RAB12: variants seen among roughly 807,000 people sequenced by gnomAD.
The protein encoded by RAB12 is RAB12, member RAS oncogene family, also known as ras-related protein Rab-12.
RAB12 carries 11 observed loss-of-function variants against 28.4 expected under a neutral mutation model. The ratio of observed to expected loss-of-function variants is 0.39; its 90% CI spans 0.24 to 0.64. The LOEUF is 0.64. RAB12 is among the 30% of genes least tolerant of loss of function. The pLI is 0.50. For missense variants in RAB12, 276 were observed against 351.1 expected, an observed-to-expected ratio of 0.79 and a Z score of 1.71; for synonymous variants, 138 against 145.3, an observed-to-expected ratio of 0.95 and a Z score of 0.36.
Position 8,633,253 on chromosome 18 carries a change from A to G in RAB12, c.640A>G (p.Ile214Val), listed in dbSNP as rs1324162753. The change falls in exon 3 of 6, where the codon ATC (isoleucine) becomes GTC (valine). Residue 214 changes from isoleucine (I) to valine (V), a missense_variant. Around this residue, in one of 4 missense-constraint regions of RAB12, gnomAD observed 127 missense variants for 161.4 expected, o/e 0.79. Transcript: ENST00000649141. ...AGCTTATTACAGAAGTGCCAAGGGGATCATATTAGTATATGATATCACTAA... is the reference window on the plus strand; with the variant it reads ...AGCTTATTACAGAAGTGCCAAGGGGGTCATATTAGTATATGATATCACTAA... ...TSAYYRSAKG[I>V]ILVYDITKKE... is the part of the protein sequence containing the mutation. The G allele has an allele frequency of 6.2e-7, 1 of 1,613,948 alleles. No individual in the cohort carries two copies. Among genetic ancestry groups the G allele is most frequent in the Non-Finnish European group, 8.5e-7 (1 of 1,179,964 alleles).
chr18:8,633,064 A>G (rs1598313749), intron 2 of RAB12, 125 bp from the exon 3 acceptor site: 1 of 1,180,214 alleles, frequency 8.5e-7, no homozygotes, highest in East Asian at 2.3e-5. Context: ...GTCAAAGGGA[A>G]ATAGGGGTTA....
intron 1 of RAB12, among the ~76,000 whole-genome samples, chr18:8,617,446 A>G (rs2096007311): frequency 6.6e-6 from 1 of 150,420 alleles, no homozygotes; most frequent in Non-Finnish European, 1.5e-5. Context: ...CCACTGTTTG[A>G]TCATGGTTTT....
At chr18:8,621,888 A>G (rs545123051) in intron 1 of RAB12, among the ~76,000 whole-genome samples, 6 of 152,160 alleles carry the variant, frequency 3.9e-5, no homozygotes, top group Admixed American at 1.3e-4. Context: ...TTGTTTTCCT[A>G]TTAGAACTAA....
Position 8,638,238 on chromosome 18 carries a change from A to G in RAB12, c.999A>G (p.Pro333=). The part of the protein sequence containing the change: ...EPEIPPELPP[P]RPHVRCC ...AGATACCGCCAGAACTGCCTCCACC[A>G]AGACCACATGTCCGATGCTGTTGAT... The change falls in exon 6 of 6, where the codon CCA becomes CCG. Residue 333 remains proline, a synonymous_variant. Coordinates refer to ENST00000649141, the MANE Select transcript of RAB12 (RefSeq NM_001025300.3). 2.5e-6 allele frequency: 4 copies of G among 1,613,424 alleles called. No individual in the cohort carries two copies. The highest frequency in any genetic ancestry group is 3.4e-6 in the Non-Finnish European group (4 of 1,179,376).
intron 2 of RAB12, 47 bp downstream of exon 2, chr18:8,625,045 A>G (rs1183045401): frequency 2.5e-6 from 3 of 1,220,702 alleles, no homozygotes; most frequent in Admixed American, 1.8e-5. Context: ...TGTGTTTAAC[A>G]GTCCATGTAC....
At chr18:8,620,792 G>A (rs952453577) in intron 1 of RAB12, among the ~76,000 whole-genome samples, 5 of 152,084 alleles carry the variant, frequency 3.3e-5, no homozygotes, top group Admixed American at 6.5e-5. Flanking sequence ...AAGAAGGAAC[G>A]ATGTGATATG....
chr18:8,620,745 C>T lies in RAB12; in HGVS notation c.515-4193C>T, dbSNP rs76677622. On this transcript the variant is annotated intron_variant, in intron 1 of 5. Transcript: ENST00000649141. ...AGGGGGCTGAAGATGACTACATCCTCGGAGGGCAGGCACGTAGCCTGTCGG... is the reference window on the plus strand; with the variant it reads ...AGGGGGCTGAAGATGACTACATCCTTGGAGGGCAGGCACGTAGCCTGTCGG... Among the ~76,000 whole-genome samples the T allele has an allele frequency of 3.8e-3, 578 of 152,134 alleles. 1 individual carries two copies. The highest frequency in any genetic ancestry group is 0.013 in the African/African-American group (556 of 41,502).
intron 1 of RAB12, among the ~76,000 whole-genome samples, chr18:8,613,965 C>T (rs576050645): frequency 6.6e-6 from 1 of 152,164 alleles, no homozygotes; most frequent in Admixed American, 6.5e-5. Flanking sequence ...CGAGAAGTCT[C>T]AGAGAGGTAG....
At chr18:8,632,004 TG>T (rs2096016240) in intron 2 of RAB12, among the ~76,000 whole-genome samples, 2 of 152,196 alleles carry the variant, frequency 1.3e-5, no homozygotes, top group Admixed American at 1.3e-4. Context: ...AATTGGAGGC[TG>T]GGCTGGTAGC....
rs186194354 is a variant in RAB12, at chr18:8,622,555, A to C, written c.515-2383A>C. Among the ~76,000 whole-genome samples, 457 of 152,326 alleles carry C rather than the reference A, an allele frequency of 3.0e-3. 9 individuals are homozygous for C. The highest frequency in any genetic ancestry group is 0.01 in the African/African-American group (420 of 41,570). On this transcript the variant is annotated intron_variant, in intron 1 of 5. Coordinates refer to ENST00000649141, the MANE Select transcript of RAB12 (RefSeq NM_001025300.3). ...GTGGGTCACAGACATCAAATACTTC[A>C]CAAGGTAATAGACTATCACAAGGCA...
Position 8,622,118 on chromosome 18 carries a change from GATT to G in RAB12, c.515-2817_515-2815del, listed in dbSNP as rs377539924. Among the ~76,000 whole-genome samples, 503 of 152,294 alleles carry G rather than the reference GATT, an allele frequency of 3.3e-3. 6 individuals carry two copies. Among genetic ancestry groups the G allele is most frequent in the African/African-American group, 0.012 (488 of 41,556 alleles). ...CAGAGAAAACTGTAGTCAAAACAAA[GATT>G]ATCTGCTCTAGCTGTTTCAGGGACT... On this transcript the variant is annotated intron_variant, in intron 1 of 5. Transcript: ENST00000649141.
At chr18:8,635,479 T>C (rs1447118829) in intron 3 of RAB12, 54 bp from the exon 4 acceptor site, 6 of 1,236,590 alleles carry the variant, frequency 4.9e-6, no homozygotes, top group Non-Finnish European at 7.0e-6. Context: ...ATTTCTGCTG[T>C]CAGTATATGG....
intron 1 of RAB12, among the ~76,000 whole-genome samples, chr18:8,611,535 C>T (rs924968223): frequency 6.6e-6 from 1 of 152,076 alleles, no homozygotes; most frequent in Non-Finnish European, 1.5e-5. Context: ...AGCAGCCCCC[C>T]ACCTCTGGGG....
intron 2 of RAB12, among the ~76,000 whole-genome samples, chr18:8,626,412 C>G (rs1003421205): frequency 6.6e-6 from 1 of 152,250 alleles, no homozygotes; most frequent in Non-Finnish European, 1.5e-5. Flanking sequence ...TGTGTGACGC[C>G]TGCCTTGGTG....
intron 2 of RAB12, among the ~76,000 whole-genome samples, chr18:8,629,579 A>G (rs554018909): frequency 1.5e-3 from 221 of 152,302 alleles, no homozygotes; most frequent in African/African-American, 5.2e-3. Context: ...CTCACCTTCC[A>G]GTCAGGGCAG....
intron 1 of RAB12, among the ~76,000 whole-genome samples, chr18:8,617,799 C>T (rs1013258114): frequency 4.1e-4 from 63 of 152,300 alleles, no homozygotes; most frequent in East Asian, 1.9e-4. Flanking sequence ...CCCTCATGCT[C>T]ACCAGCTTGG....
chr18:8,633,920 C>G (rs991597615), intron 3 of RAB12, among the ~76,000 whole-genome samples: 1 of 152,144 alleles, frequency 6.6e-6, no homozygotes, highest in Non-Finnish European at 1.5e-5. Context: ...ATTTAGAAGG[C>G]AGAGCAGTTG....
At chr18:8,614,497 A>T (rs2148706101) in intron 1 of RAB12, among the ~76,000 whole-genome samples, 1 of 147,564 alleles carries the variant, frequency 6.8e-6, no homozygotes, top group African/African-American at 2.5e-5. Flanking sequence ...TTTGCCAAGT[A>T]AGAACATTAA....
At chr18:8,612,485 A>G (rs1008545796) in intron 1 of RAB12, among the ~76,000 whole-genome samples, 2 of 152,142 alleles carry the variant, frequency 1.3e-5, no homozygotes, top group African/African-American at 4.8e-5. Context: ...TCTCTTCCAC[A>G]GTAGGAGTTT....
Sources: gnomAD v4.1 joint callset for allele counts (sites outside exome capture counted in the v4.1 genomes callset) on GRCh38, gnomAD v4.1.1 for gene constraint, gnomAD v4.1.1 regional missense constraint, MANE v1.5 for transcripts, NCBI Gene and HGNC (gene_info 2026-07-23, HGNC 2026-07-21) for gene names.